ZBED6: variants seen among roughly 807,000 people sequenced by gnomAD.
ZBED6 encodes zinc finger BED-type containing 6.
Under a neutral mutation model 58.4 loss-of-function variants are expected in ZBED6, and 40 were observed. That is an observed-to-expected ratio of 0.68 (90% CI 0.53 to 0.89). The LOEUF (loss-of-function observed/expected upper bound fraction) is 0.89, where lower values mean the gene tolerates loss of function less well. ZBED6 is among the 40% of genes least tolerant of loss of function. The pLI, the probability that ZBED6 is intolerant of heterozygous loss-of-function variation, is 0.00. For synonymous variants in ZBED6, 439 were observed against 350.6 expected (o/e 1.25, Z -2.82); for missense variants, 1,057 against 1,003.9 (o/e 1.05, Z -0.71).
rs184205232 is a variant in ZBED6 at position 203,821,740 on chromosome 1, C to T, written c.*2873+3051C>T. On this transcript the variant is annotated intron_variant, in intron 3 of 16. Coordinates refer to ENST00000550078, the Ensembl canonical transcript of ZBED6. ...AATGTATACACTTAACAGACATTTA[C>T]ATCATTATGGTTTTTGGTTTTGTTT... Among the ~76,000 whole-genome samples the T allele has an allele frequency of 4.4e-4, 67 of 151,746 alleles. No individual in the cohort carries two copies. The East Asian group carries it at 5.6e-3, about 13-fold the overall frequency.
intron 1 of ZBED6, among the ~76,000 whole-genome samples, chr1:203,809,555 AAAT>A (rs1404902136): frequency 6.6e-6 from 1 of 152,158 alleles, no homozygotes; most frequent in African/African-American, 2.4e-5. Context: ...GAAGATTTTA[AAAT>A]AATATGTCCT....
At chr1:203,849,200 G>T (rs1688691378) in intron 13 of ZBED6, among the ~76,000 whole-genome samples, 1 of 152,064 alleles carries the variant, frequency 6.6e-6, no homozygotes, top group Non-Finnish European at 1.5e-5. Context: ...CGACCTTTTT[G>T]TTTATATATG....
chr1:203,840,570 A>G (rs1558135983), intron 11 of ZBED6, among the ~76,000 whole-genome samples, 196 bp downstream of exon 11: 1 of 151,964 alleles, frequency 6.6e-6, no homozygotes, highest in Non-Finnish European at 1.5e-5. Flanking sequence ...TAGAGATGGT[A>G]AAATGATTGT....
intron 1 of ZBED6, among the ~76,000 whole-genome samples, chr1:203,812,494 T>A (rs1674822645): frequency 6.6e-6 from 1 of 152,174 alleles, no homozygotes; most frequent in Admixed American, 6.5e-5. Flanking sequence ...CCATGTTTTG[T>A]GTTTTTTTCA....
chr1:203,805,768 GT>G (rs1204451102), intron 1 of ZBED6: 43 of 686,034 alleles, frequency 6.3e-5, no homozygotes, highest in Non-Finnish European at 5.5e-6. Context: ...ATCACCCAGT[GT>G]ATCCAACTCT....
chr1:203,840,897 A>T (rs1264892215), intron 11 of ZBED6, among the ~76,000 whole-genome samples: 3 of 152,088 alleles, frequency 2.0e-5, no homozygotes, highest in Non-Finnish European at 4.4e-5. Flanking sequence ...GCCTCCCAAA[A>T]TCCTGGGATT....
At chr1:203,834,225 G>C in intron 9 of ZBED6, 1 of 310,648 alleles carries the variant, frequency 3.2e-6, no homozygotes, top group Non-Finnish European at 4.7e-6. Flanking sequence ...AAAGAAGAAA[G>C]TATGTATATA....
intron 3 of ZBED6, among the ~76,000 whole-genome samples, chr1:203,818,987 C>G (rs1008905028): frequency 6.6e-6 from 1 of 150,838 alleles, no homozygotes; most frequent in Non-Finnish European, 1.5e-5. Flanking sequence ...GAAAATCGCT[C>G]GAACCAGGGA....
chr1:203,850,690 T>C lies in ZBED6; in HGVS notation c.*4805+9T>C, dbSNP rs762268886. On this transcript the variant is annotated intron_variant, in intron 15 of 16. Coordinates refer to ENST00000550078, the Ensembl canonical transcript of ZBED6. ...CCAAAAAGGCAGCTGTGGTAAGAAG[T>C]ATATTCACTTTGTGGTGCTTTATTC... 25 of 1,612,366 alleles carry C rather than the reference T, an allele frequency of 1.6e-5. No homozygotes were observed. The highest frequency in any genetic ancestry group is 1.6e-4 in the Middle Eastern group (1 of 6,084).
Position 203,837,852 on chromosome 1 carries a change from A to G in ZBED6, c.*3574-114A>G, listed in dbSNP as rs1263674481. ...AAGGAAGCTGGTGAACAAACACGCC[A>G]TATGTATGCAGAACACTTAACAGAA... On this transcript the variant is annotated intron_variant, in intron 9 of 16. Transcript: ENST00000550078. 4.3e-6 allele frequency: 4 copies of G among 932,090 alleles called. No individual in the cohort carries two copies. The East Asian group carries it at 7.5e-5, about 17-fold the overall frequency. 57.7% of individuals were successfully genotyped at this position (932,090 alleles called of 1,614,324 possible). A position where few individuals can be genotyped will look rare whatever the true frequency, so the allele number is the denominator to read the frequency against.
exon 1 of ZBED6, chr1:203,800,696 A>G (rs1382441941): frequency 2.8e-6 from 1 of 354,600 alleles, no homozygotes; most frequent in African/African-American, 2.1e-5. Context: ...AATGAGAGAG[A>G]AGATATTTTT....
rs866828663 is a variant in ZBED6, at chr1:203,804,146, A to T, written c.*2554+1130A>T. Among the ~76,000 whole-genome samples the T allele has an allele frequency of 1.9e-3, 254 of 135,690 alleles. 5 individuals carry two copies. The East Asian group carries it at 0.046, about 24-fold the overall frequency. The allele number at this position is 135,690 out of a possible 152,430, so 89.0% of individuals were successfully genotyped here. On this transcript the variant is annotated intron_variant, in intron 1 of 16. Coordinates refer to ENST00000550078, the Ensembl canonical transcript of ZBED6. Reference sequence around the variant, plus strand: ...GCATACTTCTTCATTTTCTTCCTGTATATGTGTTTTTTTTTTTTTTTTTGA... The same window carrying T: ...GCATACTTCTTCATTTTCTTCCTGTTTATGTGTTTTTTTTTTTTTTTTTGA...
At chr1:203,829,584 C>T (rs772606134) in exon 5 of ZBED6, 90 of 1,614,070 alleles carry the variant, frequency 5.6e-5, no homozygotes, top group East Asian at 4.0e-4. Context: ...TAGAAAGTTC[C>T]GAAAATGTTC....
exon 5 of ZBED6, chr1:203,829,462 A>G: frequency 1.2e-6 from 2 of 1,613,976 alleles, no homozygotes; most frequent in Non-Finnish European, 1.7e-6. Context: ...TGTGTTGCCC[A>G]CTGTGCCTGA....
At chr1:203,852,458 C>A (rs1376011137) in exon 17 of ZBED6, 1 of 1,582,454 alleles carries the variant, frequency 6.3e-7, no homozygotes, top group Non-Finnish European at 8.6e-7. Flanking sequence ...TTAGTTTCAT[C>A]TATTGTAACA....
chr1:203,840,526 C>T, intron 11 of ZBED6, 152 bp downstream of exon 11: 1 of 658,158 alleles, frequency 1.5e-6, no homozygotes, highest in Non-Finnish European at 2.5e-6. Context: ...CAAGTCAGCT[C>T]AGACTCAACT....
At chr1:203,831,208 T>G (rs1417196291) in intron 7 of ZBED6, among the ~76,000 whole-genome samples, 1 of 151,932 alleles carries the variant, frequency 6.6e-6, no homozygotes, top group South Asian at 2.1e-4. Flanking sequence ...CCCCCAGCCT[T>G]AAAATTTATA....
chr1:203,851,382 T>C (rs1689216318), intron 16 of ZBED6, among the ~76,000 whole-genome samples: 1 of 152,200 alleles, frequency 6.6e-6, no homozygotes, highest in South Asian at 2.1e-4. Context: ...CAGACTGGAG[T>C]GCAGTGGCAC....
At chr1:203,819,172 G>T (rs1281953090) in intron 3 of ZBED6, among the ~76,000 whole-genome samples, 1 of 147,176 alleles carries the variant, frequency 6.8e-6, no homozygotes, top group Non-Finnish European at 1.5e-5. Flanking sequence ...GTATATATGT[G>T]TGTGTATATA....
Sources: gnomAD v4.1 joint callset for allele counts (sites outside exome capture counted in the v4.1 genomes callset) on GRCh38, gnomAD v4.1.1 for gene constraint, MANE v1.5 for transcripts, NCBI Gene and HGNC (gene_info 2026-07-23, HGNC 2026-07-21) for gene names.